Variants in TPP2 observed in about 807,000 individuals in gnomAD.
TPP2 encodes tripeptidyl-peptidase 2.
In TPP2, 34 loss-of-function variants were observed where a neutral mutation model predicts 155.9. The ratio of observed to expected loss-of-function variants is 0.22; its 90% confidence interval spans 0.17 to 0.29. The LOEUF is 0.29. Among genes scored for constraint, TPP2 ranks in the 10% least tolerant of loss-of-function variants. TPP2 has a pLI of 1.00. For synonymous variants in TPP2, 510 were observed against 529.4 expected (o/e 0.96, Z 0.50); for missense variants, 1,028 against 1,522.3 (o/e 0.68, Z 5.40).
In TPP2 at chr13:102,630,901, T is replaced by C. The variant is rs1566339684; in HGVS notation, c.1244+706T>C. 2.0e-5 allele frequency among the ~76,000 whole-genome samples: 3 copies of C among 152,228 alleles called. No homozygotes were observed. In the South Asian group the frequency reaches 6.2e-4, roughly 31 times the overall value. ...GAATTTAGTTCAGCAAATACCTTAG[T>C]GCCTACAGTGGGCAAGGCATAAACG... is the stretch of plus-strand genomic sequence containing the variant. On this transcript the variant is annotated intron_variant, in intron 10 of 29. Coordinates refer to ENST00000376052, the MANE Select transcript of TPP2 (RefSeq NM_001330588.2).
chr13:102,663,019 T>C (rs1566367731), intron 25 of TPP2, among the ~76,000 whole-genome samples: 2 of 152,104 alleles, frequency 1.3e-5, no homozygotes, highest in South Asian at 4.1e-4. Flanking sequence ...CTTTTCTTCC[T>C]TTTAAATAAA....
At chr13:102,635,143 C>G (rs1882285361) in intron 11 of TPP2, among the ~76,000 whole-genome samples, 1 of 152,120 alleles carries the variant, frequency 6.6e-6, no homozygotes, top group African/African-American at 2.4e-5. Context: ...TGGGACAGTC[C>G]TCAGAGATTC....
chr13:102,647,106 GT>G (rs961348731), intron 20 of TPP2, 100 bp from the exon 21 acceptor site: 8 of 1,353,006 alleles, frequency 5.9e-6, no homozygotes, highest in Admixed American at 5.8e-5. Context: ...TATTTTTAAT[GT>G]TTTTTAAATG....
At chr13:102,666,766 C>CTTTTTTTTTTTTTT in intron 27 of TPP2, among the ~76,000 whole-genome samples, 41 of 55,732 alleles carry the variant, frequency 7.4e-4, no homozygotes, top group Non-Finnish European at 8.9e-4. Flanking sequence ...TTTTTAATCT[C>CTTTTTTTTTTTTTT]TTTTTTTTTT....
At chr13:102,673,847 A>C (rs934822482) in intron 27 of TPP2, among the ~76,000 whole-genome samples, 1 of 152,246 alleles carries the variant, frequency 6.6e-6, no homozygotes, top group East Asian at 1.9e-4. Context: ...AGAGTAAAGC[A>C]TTACATTTAT....
chr13:102,668,454 G>A, intron 27 of TPP2, among the ~76,000 whole-genome samples: 1 of 152,146 alleles, frequency 6.6e-6, no homozygotes, highest in South Asian at 2.1e-4. Flanking sequence ...TTCCAGCTTT[G>A]CATCCTAGAA....
chr13:102,657,411 T>C (rs969698459), intron 25 of TPP2, among the ~76,000 whole-genome samples: 4 of 151,788 alleles, frequency 2.6e-5, no homozygotes, highest in African/African-American at 9.7e-5. Flanking sequence ...TTAAATGTTT[T>C]AATTTTTATT....
At chr13:102,606,090 T>C (rs1320716356) in intron 2 of TPP2, among the ~76,000 whole-genome samples, 1 of 152,146 alleles carries the variant, frequency 6.6e-6, no homozygotes, top group African/African-American at 2.4e-5. Flanking sequence ...AAAATAATTA[T>C]AAAGCAAGCA....
At chr13:102,630,055 C>G (rs1881915911) in intron 9 of TPP2, 41 bp from the exon 10 acceptor site, 2 of 1,550,300 alleles carry the variant, frequency 1.3e-6, no homozygotes, top group Admixed American at 1.7e-5. Flanking sequence ...ATCAGGATCC[C>G]CGTTTGTTTT....
Position 102,679,702 on chromosome 13 carries a change from C to G in TPP2, c.*1386C>G, listed in dbSNP as rs1192608673. 1.3e-5 allele frequency: 2 copies of G among 152,246 alleles called. No individual in the cohort carries two copies. Among genetic ancestry groups the G allele is most frequent in the South Asian group, 2.1e-4 (1 of 4,836 alleles). 9.4% of individuals were successfully genotyped at this position (152,246 alleles called of 1,614,324 possible). A position where few individuals can be genotyped will look rare whatever the true frequency, so the allele number is the denominator to read the frequency against. The stretch of plus-strand genomic sequence containing the variant: ...TCTCTCTCACACACTCATGGACTTT[C>G]ACCTGCACACACATACAGGTCCCCA... On this transcript the variant is annotated 3_prime_UTR_variant, in exon 30 of 30. Coordinates refer to ENST00000376052, the MANE Select transcript of TPP2 (RefSeq NM_001330588.2).
Position 102,674,386 on chromosome 13 carries a change from T to C in TPP2, c.3475T>C (p.Ser1159Pro). The C allele has an allele frequency of 6.2e-7, 1 of 1,614,014 alleles. No homozygotes were observed. Among genetic ancestry groups the C allele is most frequent in the Non-Finnish European group, 8.5e-7 (1 of 1,179,902 alleles). The part of the protein sequence containing the change: ...LHTQAQDGAI[S>P]TDAEGKEEEG... ...CACCCAGGCTCAAGACGGAGCCATT[T>C]CCACTGATGCAGAAGGAAAGGAGGA... The change falls in exon 28 of 30, where the codon TCC becomes CCC. Residue 1159 changes from serine (S) to proline (P), a missense_variant. By Grantham distance (74) the Ser-to-Pro change is moderately conservative. Around this residue, in one of 7 missense-constraint regions of TPP2, gnomAD observed 116 missense variants for 117.3 expected, o/e 0.99. Coordinates refer to ENST00000376052, the MANE Select transcript of TPP2 (RefSeq NM_001330588.2).
chr13:102,673,262 G>A (rs531353295), intron 27 of TPP2, among the ~76,000 whole-genome samples: 16 of 152,234 alleles, frequency 1.1e-4, no homozygotes, highest in Middle Eastern at 6.8e-3. Context: ...TTCCTACTGC[G>A]GATCCTTGTT....
intron 25 of TPP2, among the ~76,000 whole-genome samples, chr13:102,658,024 A>T (rs1883970344): frequency 6.6e-6 from 1 of 152,194 alleles, no homozygotes; most frequent in Admixed American, 6.5e-5. Context: ...CTATTCAGAC[A>T]TTAGGTGTTT....
intron 3 of TPP2, among the ~76,000 whole-genome samples, chr13:102,614,906 A>G (rs1595142563): frequency 6.6e-6 from 1 of 152,312 alleles, no homozygotes; most frequent in East Asian, 1.9e-4. Flanking sequence ...GTAATATTTT[A>G]AAATTTAAGT....
chr13:102,659,453 C>A (rs1566364844), intron 25 of TPP2, among the ~76,000 whole-genome samples: 1 of 152,094 alleles, frequency 6.6e-6, no homozygotes, highest in Non-Finnish European at 1.5e-5. Context: ...AGGAGAAGAT[C>A]TTGAGAGGAG....
chr13:102,655,483 G>A (rs1241237891), intron 24 of TPP2, among the ~76,000 whole-genome samples: 1 of 152,044 alleles, frequency 6.6e-6, no homozygotes, highest in African/African-American at 2.4e-5. Flanking sequence ...AATAAATAAC[G>A]ACTTAATTAA....
At position 102,610,684 on chromosome 13, in the gene TPP2, C is replaced by A. The variant is rs77497087; in HGVS notation, c.295-3417C>A. On this transcript the variant is annotated intron_variant, in intron 2 of 29. Coordinates refer to ENST00000376052, the MANE Select transcript of TPP2 (RefSeq NM_001330588.2). ...AGCCTCATTCTCTAAGGATGATATTCCTAGGCTTCCTTGAGAAACCAGTGG... is the reference window on the plus strand; with the variant it reads ...AGCCTCATTCTCTAAGGATGATATTACTAGGCTTCCTTGAGAAACCAGTGG... Among the ~76,000 whole-genome samples, 450 of 152,314 alleles carry A rather than the reference C, an allele frequency of 3.0e-3. 6 individuals carry two copies. Among genetic ancestry groups the A allele is most frequent in the African/African-American group, 0.011 (438 of 41,570 alleles).
chr13:102,629,102 C>T (rs559134665), intron 8 of TPP2, among the ~76,000 whole-genome samples: 3 of 152,160 alleles, frequency 2.0e-5, no homozygotes, highest in African/African-American at 7.2e-5. Context: ...ACAAAAGTTA[C>T]TGGTTCTTTT....
At chr13:102,634,333 T>C (rs1595168968) in intron 11 of TPP2, among the ~76,000 whole-genome samples, 2 of 152,294 alleles carry the variant, frequency 1.3e-5, no homozygotes, top group South Asian at 4.1e-4. Context: ...TGGGGCTAAA[T>C]TAGTGAACAA....
Sources: gnomAD v4.1 joint callset for allele counts (sites outside exome capture counted in the v4.1 genomes callset) on GRCh38, gnomAD v4.1.1 for gene constraint, gnomAD v4.1.1 regional missense constraint, MANE v1.5 for transcripts, NCBI Gene and HGNC (gene_info 2026-07-23, HGNC 2026-07-21) for gene names.